The following BMP10 variants were observed in gnomAD, a reference collection of about 807,000 sequenced individuals.
BMP10 encodes the protein bone morphogenetic protein 10.
A neutral mutation model predicts 29.9 loss-of-function variants in BMP10; 9 were observed. The observed-to-expected ratio is 0.30, with a 90% CI of 0.18 to 0.53. The LOEUF is 0.53. BMP10 is among the 20% of genes least tolerant of loss of function. The pLI, the probability that BMP10 is intolerant of heterozygous loss-of-function variation, is 0.96. For missense variants in BMP10, 474 were observed against 524.3 expected, an observed-to-expected ratio of 0.90 and a Z score of 0.94; for synonymous variants, 202 against 200.2, an observed-to-expected ratio of 1.01 and a Z score of -0.07.
intron 1 of BMP10, among the ~76,000 whole-genome samples, chr2:68,870,368 T>A (rs1683044535): frequency 6.6e-6 from 1 of 152,202 alleles, no homozygotes; most frequent in Non-Finnish European, 1.5e-5. Context: ...AATTCAAAGC[T>A]TGTACGTTGC....
In BMP10 at chr2:68,864,500, G is replaced by A. The variant is rs973607719; in HGVS notation, c.*1131C>T. ...GGTGTCCCTTTCCAGTTCACAGCAT[G>A]CATCATGAAGGCCAGGGAAGAGCAG... is the stretch of plus-strand genomic sequence containing the variant. On this transcript the variant is annotated 3_prime_UTR_variant, in exon 2 of 2. Transcript: ENST00000295379. Among the ~76,000 whole-genome samples, 8 of 152,104 alleles carry A rather than the reference G, an allele frequency of 5.3e-5. No individual in the cohort carries two copies. The highest frequency in any genetic ancestry group is 1.2e-4 in the Non-Finnish European group (8 of 68,004).
Position 68,871,141 on chromosome 2 carries a change from G to T in BMP10, c.218C>A (p.Thr73Lys). The T allele has an allele frequency of 6.8e-6, 11 of 1,614,186 alleles. No individual in the cohort carries two copies. Among genetic ancestry groups the T allele is most frequent in the Non-Finnish European group, 9.3e-6 (11 of 1,180,032 alleles). ...LKTLNLSDIPTQDSAKVDPPE... is the reference protein window; with the variant it reads ...LKTLNLSDIPKQDSAKVDPPE... ...TGGGTCCACCTTGGCTGAATCCTGC[G>T]TGGGGATGTCAGAGAGGTTTAGTGT... Residue 73 changes from threonine (T) to lysine (K), a missense_variant, in exon 1 of 2, where the codon ACG becomes AAG. This residue lies in a region of BMP10 where 408 missense variants were observed against 415.3 expected (regional missense o/e 0.98). Transcript: ENST00000295379.
rs371342543 is a variant in BMP10 at position 68,861,279 on chromosome 2, C to T, written c.*4352G>A. On this transcript the variant is annotated 3_prime_UTR_variant, in exon 2 of 2. Coordinates refer to ENST00000295379, the MANE Select transcript of BMP10 (RefSeq NM_014482.3). Reference sequence around the variant, plus strand: ...CCAATGTCCATGAATGCTCAGTAGGCGGGCGCTGGCACATTGGCCGCCCCA... The same window carrying T: ...CCAATGTCCATGAATGCTCAGTAGGTGGGCGCTGGCACATTGGCCGCCCCA... Among the ~76,000 whole-genome samples, 12 of 152,296 alleles carry T rather than the reference C, an allele frequency of 7.9e-5. No homozygotes were observed. The highest frequency in any genetic ancestry group is 9.6e-5 in the African/African-American group (4 of 41,546).
rs1177248063 is a variant in BMP10 at position 68,863,643 on chromosome 2, C to T, written c.*1988G>A. 3.3e-5 allele frequency among the ~76,000 whole-genome samples: 5 copies of T among 152,114 alleles called. No individual in the cohort carries two copies. The highest frequency in any genetic ancestry group is 5.9e-5 in the Non-Finnish European group (4 of 68,024). On this transcript the variant is annotated 3_prime_UTR_variant, in exon 2 of 2. Coordinates refer to ENST00000295379, the MANE Select transcript of BMP10 (RefSeq NM_014482.3). The stretch of plus-strand genomic sequence containing the variant: ...GCATCAATCACTGTATACCCACTGA[C>T]GGTCAAAACACCACTCTTCCATGAG...
At chr2:68,868,753 T>C (rs1683016351) in intron 1 of BMP10, among the ~76,000 whole-genome samples, 1 of 152,118 alleles carries the variant, frequency 6.6e-6, no homozygotes, top group Non-Finnish European at 1.5e-5. Flanking sequence ...AAGTATAAAA[T>C]AAGAGCTCAC....
rs1682905250 is a variant in BMP10 at position 68,863,867 on chromosome 2, A to T, written c.*1764T>A. On this transcript the variant is annotated 3_prime_UTR_variant, in exon 2 of 2. Transcript: ENST00000295379. ...AAAGTGTCAGACTTCTTAAGGAAGC[A>T]TTCCTTAAGATGAGTAGGGGTGAAT... 6.6e-6 allele frequency among the ~76,000 whole-genome samples: 1 copy of T among 152,180 alleles called. No individual in the cohort carries two copies.
rs532089788 is a variant in BMP10 at position 68,862,685 on chromosome 2, C to A, written c.*2946G>T. On this transcript the variant is annotated 3_prime_UTR_variant, in exon 2 of 2. Transcript: ENST00000295379. ...AGATTCTACCTTTTTAAGGATCTGA[C>A]AATATTCTGGCTTCCTGTCAATGCA... 3.1e-4 allele frequency among the ~76,000 whole-genome samples: 47 copies of A among 152,092 alleles called. No individual in the cohort carries two copies. In the South Asian group the frequency reaches 9.8e-3, roughly 32 times the overall value.
chr2:68,868,446 G>A (rs1683008133), intron 1 of BMP10, among the ~76,000 whole-genome samples: 1 of 152,056 alleles, frequency 6.6e-6, no homozygotes. Flanking sequence ...ATCTTTTTAT[G>A]AATGGATTTT....
At chr2:68,867,335 C>T (rs1393016272) in intron 1 of BMP10, among the ~76,000 whole-genome samples, 2 of 152,122 alleles carry the variant, frequency 1.3e-5, no homozygotes, top group African/African-American at 4.8e-5. Flanking sequence ...CCTGACAAGG[C>T]CAATAAGACA....
intron 1 of BMP10, among the ~76,000 whole-genome samples, chr2:68,869,972 A>G (rs1479168041): frequency 6.6e-6 from 1 of 152,192 alleles, no homozygotes; most frequent in Non-Finnish European, 1.5e-5. Flanking sequence ...CTCCCACTTT[A>G]TAGATGAGGA....
At chr2:68,868,065 A>T (rs562710444) in intron 1 of BMP10, among the ~76,000 whole-genome samples, 1 of 152,212 alleles carries the variant, frequency 6.6e-6, no homozygotes, top group Non-Finnish European at 1.5e-5. Flanking sequence ...TCTCAAGACC[A>T]GCTATATCTG....
In BMP10 at chr2:68,866,456, C is replaced by A; in HGVS notation, c.450G>T (p.Leu150=). 6.2e-7 allele frequency: 1 copy of A among 1,613,884 alleles called. No homozygotes were observed. The highest frequency in any genetic ancestry group is 8.5e-7 in the Non-Finnish European group (1 of 1,179,924). Residue 150 remains leucine (L), a synonymous_variant, in exon 2 of 2, where the codon CTG becomes CTT. Transcript: ENST00000295379. ...CGTATATCATACGATCCCTTTGCAC[C>A]AGTGTGTATAGCCTAAGTTCAGCCA... ...VIMAELRLYT[L]VQRDRMIYDG... is the part of the protein sequence containing the mutation.
rs1682949709 is a variant in BMP10, at chr2:68,866,138, A to C, written c.768T>G (p.Phe256Leu). 3 of 1,614,056 alleles carry C rather than the reference A, an allele frequency of 1.9e-6. No homozygotes were observed. Among genetic ancestry groups the C allele is most frequent in the South Asian group, 2.2e-5 (2 of 91,074 alleles). ...QNKHNPLLIVFSDDQSSDKER... is the reference protein window; with the variant it reads ...QNKHNPLLIVLSDDQSSDKER... ...CCTTGTCACTGCTTTGGTCATCAGA[A>C]AACACGATGAGCAAAGGGTTATGCT... Residue 256 changes from phenylalanine to leucine, a missense_variant, in exon 2 of 2, where the codon TTT becomes TTG. By Grantham distance (22) the Phe-to-Leu change is conservative (BLOSUM62 0). Around this residue, in one of 2 missense-constraint regions of BMP10, gnomAD observed 408 missense variants for 415.3 expected, o/e 0.98. Transcript: ENST00000295379.
At chr2:68,866,995 T>C (rs1682971863) in intron 1 of BMP10, among the ~76,000 whole-genome samples, 1 of 151,330 alleles carries the variant, frequency 6.6e-6, no homozygotes, top group South Asian at 2.1e-4. Context: ...GAGGACTTCA[T>C]GGTTTTTTAA....
At position 68,863,516 on chromosome 2, in the gene BMP10, T is replaced by G. The variant is rs1318935908; in HGVS notation, c.*2115A>C. ...CACGTTCCACTGAGGGTATTAAGCG[T>G]GGTTATTCAAAGCCAGCTATACATC... On this transcript the variant is annotated 3_prime_UTR_variant, in exon 2 of 2. Transcript: ENST00000295379. Among the ~76,000 whole-genome samples the G allele has an allele frequency of 6.6e-6, 1 of 152,138 alleles. No individual in the cohort carries two copies. The highest frequency in any genetic ancestry group is 1.5e-5 in the Non-Finnish European group (1 of 68,026).
chr2:68,871,364 C>T lies in BMP10; in HGVS notation c.-6G>A, dbSNP rs2231338. The T allele has an allele frequency of 4.7e-4, 757 of 1,611,058 alleles. 2 individuals are homozygous for T. In the African/African-American group the frequency reaches 8.0e-3, roughly 17 times the overall value. Reference sequence around the variant, plus strand: ...GTCAGGACCAGAGAGCCCATGACTCCGCTCGAGCTCCTAGGCCAAGCCAGG... The same window carrying T: ...GTCAGGACCAGAGAGCCCATGACTCTGCTCGAGCTCCTAGGCCAAGCCAGG... On this transcript the variant is annotated 5_prime_UTR_variant, in exon 1 of 2. Transcript: ENST00000295379.
Position 68,865,389 on chromosome 2 carries a change from A to T in BMP10, c.*242T>A, listed in dbSNP as rs1459602866. On this transcript the variant is annotated 3_prime_UTR_variant, in exon 2 of 2. Transcript: ENST00000295379. This position sits in a 1 kb window ranked among gnomAD's most constrained non-coding sequence, Gnocchi z 4.7. ...TGTCTTTTGACACTGTATTTTGCCT[A>T]GGGGTTGTTTTCAAATCAACAGGGA... 1 of 522,702 alleles carries T rather than the reference A, an allele frequency of 1.9e-6. No homozygotes were observed. The highest frequency in any genetic ancestry group is 3.4e-6 in the Non-Finnish European group (1 of 294,938). The allele number at this position is 522,702 out of a possible 1,614,324, so 32.4% of individuals were successfully genotyped here.
Position 68,866,520 on chromosome 2 carries a change from A to T in BMP10, c.386T>A (p.Leu129His). Residue 129 changes from leucine to histidine, a missense_variant, in exon 2 of 2, where the codon CTC becomes CAC. Coordinates refer to ENST00000295379, the MANE Select transcript of BMP10 (RefSeq NM_014482.3). The part of the protein sequence containing the change: ...SFNGLRKYPL[L>H]FNVSIPHHEE... The stretch of plus-strand genomic sequence containing the variant: ...ATGGTGAGGAATGGACACATTGAAG[A>T]GGAGGGGGTATTTTCGGAGCCCATT... The T allele has an allele frequency of 6.2e-7, 1 of 1,613,880 alleles. No homozygotes were observed. The highest frequency in any genetic ancestry group is 8.5e-7 in the Non-Finnish European group (1 of 1,179,906).
At chr2:68,867,916 G>T (rs1049623793) in intron 1 of BMP10, among the ~76,000 whole-genome samples, 6 of 150,398 alleles carry the variant, frequency 4.0e-5, no homozygotes, top group Non-Finnish European at 7.4e-5. Context: ...ATGTGTGTTT[G>T]CTAAAAATCC....
Sources: allele counts gnomAD v4.1 joint callset (sites outside exome capture counted in the v4.1 genomes callset), GRCh38; gene constraint gnomAD v4.1.1; regional missense constraint gnomAD v4.1.1; non-coding constraint Gnocchi (gnomAD v3.1); transcripts MANE v1.5; gene names NCBI Gene and HGNC (gene_info 2026-07-23, HGNC 2026-07-21).